Variants in MERTK observed in about 807,000 individuals in gnomAD.
MERTK encodes the protein tyrosine-protein kinase Mer.
Under a neutral mutation model 99.3 loss-of-function variants are expected in MERTK, and 69 were observed. The ratio of observed to expected loss-of-function variants is 0.70; its 90% confidence interval spans 0.57 to 0.85. MERTK has a LOEUF of 0.85. MERTK is among the 40% of genes least tolerant of loss of function. The pLI, the probability that MERTK is intolerant of heterozygous loss-of-function variation, is 0.00. For missense variants in MERTK, 1,125 were observed against 1,249.4 expected (o/e 0.90, Z 1.50); for synonymous variants, 426 against 467.6 (o/e 0.91, Z 1.15).
At chr2:111,955,431 GT>G (rs1262404809) in intron 4 of MERTK, among the ~76,000 whole-genome samples, 1 of 152,102 alleles carries the variant, frequency 6.6e-6, no homozygotes, top group Non-Finnish European at 1.5e-5. Context: ...CAGGGGTTAG[GT>G]TTGGGGGTAG....
intron 1 of MERTK, among the ~76,000 whole-genome samples, chr2:111,912,249 T>G (rs1271952509): frequency 6.6e-6 from 1 of 152,040 alleles, no homozygotes; most frequent in East Asian, 1.9e-4. Flanking sequence ...CCTCATGATT[T>G]GCCCACCTCG....
intron 4 of MERTK, among the ~76,000 whole-genome samples, chr2:111,962,482 A>T (rs1242748572): frequency 2.0e-5 from 3 of 152,122 alleles, no homozygotes; most frequent in Non-Finnish European, 4.4e-5. Context: ...CTGGGTGATG[A>T]CAGAGTGAGT....
At chr2:111,951,328 C>T in intron 4 of MERTK, among the ~76,000 whole-genome samples, 1 of 151,630 alleles carries the variant, frequency 6.6e-6, no homozygotes, top group East Asian at 1.9e-4. Flanking sequence ...CCACCTCCAC[C>T]CACCCTTTTA....
intron 10 of MERTK, 106 bp from the exon 11 acceptor site, chr2:112,001,095 G>T: frequency 1.2e-6 from 1 of 832,698 alleles, no homozygotes; most frequent in South Asian, 1.4e-5. Flanking sequence ...TTTTGTTGTA[G>T]AAGAGCCCAT....
intron 2 of MERTK, among the ~76,000 whole-genome samples, chr2:111,941,419 A>G (rs1485302018): frequency 6.6e-6 from 1 of 152,138 alleles, no homozygotes; most frequent in Non-Finnish European, 1.5e-5. Flanking sequence ...GGGCCCGGTT[A>G]GGAAACACCC....
At chr2:111,986,418 A>G (rs948655450) in intron 8 of MERTK, among the ~76,000 whole-genome samples, 3 of 152,202 alleles carry the variant, frequency 2.0e-5, no homozygotes, top group Non-Finnish European at 2.9e-5. Context: ...ATCTTTCTCT[A>G]TTTGGCAGAA....
chr2:111,991,454 G>A (rs1282204182), intron 8 of MERTK, among the ~76,000 whole-genome samples: 1 of 152,058 alleles, frequency 6.6e-6, no homozygotes, highest in Non-Finnish European at 1.5e-5. Context: ...TCGAACTCCT[G>A]ACCTCAGGTT....
At chr2:111,957,557 C>T (rs1685173006) in intron 4 of MERTK, among the ~76,000 whole-genome samples, 2 of 152,150 alleles carry the variant, frequency 1.3e-5, no homozygotes, top group South Asian at 4.1e-4. Flanking sequence ...TTATCACCTT[C>T]TAATATATCA....
intron 18 of MERTK, 190 bp downstream of exon 18, chr2:112,022,584 A>G (rs760172053): frequency 1.1e-6 from 1 of 891,024 alleles, no homozygotes; most frequent in Non-Finnish European, 1.9e-6. Flanking sequence ...AGTGTGTGGT[A>G]TCTCCAGTGA....
rs1485395077 is a variant in MERTK at position 111,985,511 on chromosome 2, CAG to C, written c.1296+2520_1296+2521del. Among the ~76,000 whole-genome samples the C allele has an allele frequency of 2.0e-5, 3 of 152,254 alleles. No homozygotes were observed. The East Asian group carries it at 5.8e-4, about 29-fold the overall frequency. ...TTCCTGATCAATCTAACCCTAGTGACAGATTGTATTAGTCTGTTTTCACACTG... is the reference window on the plus strand; with the variant it reads ...TTCCTGATCAATCTAACCCTAGTGACATTGTATTAGTCTGTTTTCACACTG... On this transcript the variant is annotated intron_variant, in intron 8 of 18. Coordinates refer to ENST00000295408, the MANE Select transcript of MERTK (RefSeq NM_006343.3).
chr2:111,993,986 C>T (rs760523037), intron 8 of MERTK, among the ~76,000 whole-genome samples: 42 of 152,194 alleles, frequency 2.8e-4, no homozygotes, highest in Non-Finnish European at 5.6e-4. Context: ...TCCCTCTCTT[C>T]CAGAAGCTTC....
chr2:111,926,209 A>G (rs1023414074), intron 1 of MERTK, among the ~76,000 whole-genome samples: 3 of 152,254 alleles, frequency 2.0e-5, no homozygotes, highest in Admixed American at 6.5e-5. Flanking sequence ...GTTCCTAATT[A>G]AAAATTTAAA....
chr2:112,022,496 T>C, intron 18 of MERTK, 102 bp downstream of exon 18: 1 of 1,560,954 alleles, frequency 6.4e-7, no homozygotes, highest in Non-Finnish European at 8.8e-7. Flanking sequence ...AAGGGACTGC[T>C]GTTAGCCAGG....
intron 1 of MERTK, among the ~76,000 whole-genome samples, chr2:111,909,328 C>T (rs1667091849): frequency 6.6e-6 from 1 of 152,150 alleles, no homozygotes; most frequent in African/African-American, 2.4e-5. Flanking sequence ...GAAAGCCCAC[C>T]AGAAGTTTTG....
chr2:111,995,240 G>C (rs1676711209), intron 9 of MERTK: 1 of 155,544 alleles, frequency 6.4e-6, no homozygotes, highest in African/African-American at 2.4e-5. Context: ...ATGCGTGTTG[G>C]CTTTTGCATG....
intron 1 of MERTK, among the ~76,000 whole-genome samples, chr2:111,925,628 T>C (rs1684550923): frequency 1.3e-5 from 2 of 149,172 alleles, no homozygotes; most frequent in South Asian, 4.3e-4. Context: ...CCATCTAGAG[T>C]GTTGAGTGAT....
rs141641623 is a variant in MERTK at position 111,994,247 on chromosome 2, C to A, written c.1297-4C>A. The A allele has an allele frequency of 7.7e-5, 124 of 1,613,740 alleles. No homozygotes were observed. The East Asian group carries it at 2.5e-3, about 33-fold the overall frequency. ...TCATTTCCTCTCTTCCTCTCTGTCT[C>A]CAGAAAGAGCTCTTGGAGGAAGTTG... On this transcript the variant is annotated splice_polypyrimidine_tract_variant and splice_region_variant and intron_variant, in intron 8 of 18. Coordinates refer to ENST00000295408, the MANE Select transcript of MERTK (RefSeq NM_006343.3).
At chr2:112,014,582 A>G (rs763726038) in intron 15 of MERTK, among the ~76,000 whole-genome samples, 5 of 152,204 alleles carry the variant, frequency 3.3e-5, no homozygotes, top group Non-Finnish European at 7.3e-5. Flanking sequence ...TGGTGGCCCA[A>G]ATAGTTTTGT....
chr2:111,947,156 C>T (rs1479576026), intron 3 of MERTK, among the ~76,000 whole-genome samples: 5 of 152,094 alleles, frequency 3.3e-5, no homozygotes, highest in Non-Finnish European at 7.4e-5. Flanking sequence ...GCCTGTAATC[C>T]CAGCTACTTA....
Sources: gnomAD v4.1 joint callset for allele counts (sites outside exome capture counted in the v4.1 genomes callset) on GRCh38, gnomAD v4.1.1 for gene constraint, MANE v1.5 for transcripts, NCBI Gene and HGNC (gene_info 2026-07-23, HGNC 2026-07-21) for gene names.